The following WRNIP1 variants were observed in gnomAD, a reference collection of about 807,000 sequenced individuals.
WRNIP1 encodes the protein ATPase WRNIP1.
Under a neutral mutation model 56.1 loss-of-function variants are expected in WRNIP1, and 41 were observed. The observed-to-expected ratio is 0.73, with a 90% CI of 0.57 to 0.95. The LOEUF is 0.95. Among genes scored for constraint, WRNIP1 ranks in the 40% least tolerant of loss-of-function variants. WRNIP1 has a pLI of 0.00. For missense variants in WRNIP1, 1,170 were observed against 939.4 expected, an observed-to-expected ratio of 1.25 and a Z score of -3.21; for synonymous variants, 547 against 398.1, an observed-to-expected ratio of 1.37 and a Z score of -4.45.
intron 3 of WRNIP1, chr6:2,774,071 G>A: frequency 1.0e-6 from 1 of 985,380 alleles, no homozygotes; most frequent in Non-Finnish European, 1.2e-6. Flanking sequence ...TGAATAGAAA[G>A]AAAGGTAGTG....
rs893043072 is a variant in WRNIP1, at chr6:2,765,598, G to T, written c.-25G>T. 5.4e-6 allele frequency: 8 copies of T among 1,486,492 alleles called. No individual in the cohort carries two copies. The highest frequency in any genetic ancestry group is 4.6e-4 in the Middle Eastern group (2 of 4,302). 92.1% of individuals were successfully genotyped at this position (1,486,492 alleles called of 1,614,324 possible). A position where few individuals can be genotyped will look rare whatever the true frequency, so the allele number is the denominator to read the frequency against. On this transcript the variant is annotated 5_prime_UTR_variant, in exon 1 of 7. Coordinates refer to ENST00000380773, the MANE Select transcript of WRNIP1 (RefSeq NM_020135.3). ...CGCACGGGTTGCTGCGGCCGCGCCG[G>T]GCGCCGGGGAGGGCGGCGGCCGCCA...
chr6:2,768,097 G>C (rs988019289), intron 1 of WRNIP1, among the ~76,000 whole-genome samples: 3 of 152,148 alleles, frequency 2.0e-5, no homozygotes, highest in Non-Finnish European at 2.9e-5. Flanking sequence ...GGTCTCCTTG[G>C]TTTTCTAGTA....
intron 5 of WRNIP1, among the ~76,000 whole-genome samples, chr6:2,783,850 G>GT (rs1318659275): frequency 2.0e-5 from 3 of 152,060 alleles, no homozygotes; most frequent in Non-Finnish European, 4.4e-5. Flanking sequence ...GCTATTCAGA[G>GT]TATTGCAATA....
At chr6:2,776,718 A>G (rs1274839216) in intron 3 of WRNIP1, among the ~76,000 whole-genome samples, 1 of 152,228 alleles carries the variant, frequency 6.6e-6, no homozygotes, top group Non-Finnish European at 1.5e-5. Context: ...TATGAGGACT[A>G]ATGGAAATGA....
chr6:2,784,646 G>A (rs1456743906), intron 6 of WRNIP1, among the ~76,000 whole-genome samples: 1 of 152,130 alleles, frequency 6.6e-6, no homozygotes, highest in East Asian at 1.9e-4. Context: ...TGCTCCATAT[G>A]TTCCAGGGAG....
At chr6:2,779,549 A>T (rs1394460121) in intron 4 of WRNIP1, 57 bp downstream of exon 4, 1 of 1,540,744 alleles carries the variant, frequency 6.5e-7, no homozygotes, top group Non-Finnish European at 8.8e-7. Context: ...GTGTGCACAC[A>T]TTCTCATTTC....
chr6:2,765,456 G>T lies in WRNIP1; in HGVS notation c.-167G>T. Reference sequence around the variant, plus strand: ...CGGCCGAGGGCGGGCGGACGCGGGAGCTGCGGACGTGAGGCATGAGCGGCG... The same window carrying T: ...CGGCCGAGGGCGGGCGGACGCGGGATCTGCGGACGTGAGGCATGAGCGGCG... On this transcript the variant is annotated 5_prime_UTR_variant, in exon 1 of 7. Transcript: ENST00000380773. 1 of 812,202 alleles carries T rather than the reference G, an allele frequency of 1.2e-6. No homozygotes were observed. The highest frequency in any genetic ancestry group is 1.6e-6 in the Non-Finnish European group (1 of 615,150). The allele number at this position is 812,202 out of a possible 1,614,324, so 50.3% of individuals were successfully genotyped here.
chr6:2,770,114 G>A lies in WRNIP1; in HGVS notation c.1015-6G>A, dbSNP rs776961406. 1 of 1,614,172 alleles carries A rather than the reference G, an allele frequency of 6.2e-7. No homozygotes were observed. Among genetic ancestry groups the A allele is most frequent in the Non-Finnish European group, 8.5e-7 (1 of 1,179,986 alleles). The stretch of plus-strand genomic sequence containing the variant: ...TCACTTTTTTCTGTTTTCCTCCCAT[G>A]ATTAGGACACTTTCCTTCCTCACGT... On this transcript the variant is annotated splice_region_variant and splice_polypyrimidine_tract_variant and intron_variant, in intron 2 of 6. Transcript: ENST00000380773.
chr6:2,779,780 C>A (rs1765515046), intron 4 of WRNIP1, among the ~76,000 whole-genome samples: 1 of 152,214 alleles, frequency 6.6e-6, no homozygotes, highest in Admixed American at 6.5e-5. Flanking sequence ...TATTCCCCAC[C>A]TTGCAGAATA....
At chr6:2,784,607 G>A in intron 6 of WRNIP1, among the ~76,000 whole-genome samples, 1 of 152,184 alleles carries the variant, frequency 6.6e-6, no homozygotes, top group East Asian at 1.9e-4. Context: ...GTTTCAAACT[G>A]TTCTCGGGAT....
chr6:2,768,194 G>A (rs1765110998), intron 1 of WRNIP1, among the ~76,000 whole-genome samples: 1 of 152,198 alleles, frequency 6.6e-6, no homozygotes, highest in Non-Finnish European at 1.5e-5. Flanking sequence ...AATGCTAGGT[G>A]GATGTCATTG....
chr6:2,769,978 T>A, intron 2 of WRNIP1, 142 bp from the exon 3 acceptor site: 1 of 1,207,706 alleles, frequency 8.3e-7, no homozygotes. Flanking sequence ...GCATCTATAT[T>A]CAGTGAATAT....
In WRNIP1 at chr6:2,765,876, C is replaced by T. The variant is rs753946599; in HGVS notation, c.254C>T (p.Thr85Ile). ...AGCTCGGCGCTGAAGCAGCCAGCCACCCCGACGGCAGCCGAGAGCAGCGAG... is the reference window on the plus strand; with the variant it reads ...AGCTCGGCGCTGAAGCAGCCAGCCATCCCGACGGCAGCCGAGAGCAGCGAG... ...SESSALKQPA[T>I]PTAAESSEGE... The change falls in exon 1 of 7, where the codon ACC becomes ATC. Residue 85 changes from threonine to isoleucine, a missense_variant. Thr to Ile is a moderately conservative substitution (Grantham distance 89, BLOSUM62 -1). Transcript: ENST00000380773. 6 of 1,447,432 alleles carry T rather than the reference C, an allele frequency of 4.1e-6. No homozygotes were observed. The highest frequency in any genetic ancestry group is 2.4e-5 in the Admixed American group (1 of 41,374). 89.7% of individuals were successfully genotyped at this position (1,447,432 alleles called of 1,614,324 possible).
chr6:2,779,282 G>A lies in WRNIP1; in HGVS notation c.1276G>A (p.Asp426Asn). 1 of 1,614,174 alleles carries A rather than the reference G, an allele frequency of 6.2e-7. No individual in the cohort carries two copies. Among genetic ancestry groups the A allele is most frequent in the Non-Finnish European group, 8.5e-7 (1 of 1,180,034 alleles). ...SSSEPAMFIE[D>N]KAVDTLAYLS... ...TTTCAGGCCCGCCATGTTCATAGAG[G>A]ATAAAGCAGTAGACACCCTGGCTTA... The change falls in exon 4 of 7, where the codon GAT becomes AAT. Residue 426 changes from aspartate (D) to asparagine (N), a missense_variant. Physicochemically the swap from Asp to Asn is conservative, Grantham distance 23. Coordinates refer to ENST00000380773, the MANE Select transcript of WRNIP1 (RefSeq NM_020135.3).
intron 1 of WRNIP1, among the ~76,000 whole-genome samples, chr6:2,767,770 C>G (rs1765090321): frequency 6.6e-6 from 1 of 152,172 alleles, no homozygotes; most frequent in Non-Finnish European, 1.5e-5. Context: ...TCCCACCTAC[C>G]AAATGCCAGG....
At chr6:2,769,848 G>A (rs1765200342) in intron 2 of WRNIP1, among the ~76,000 whole-genome samples, 1 of 152,174 alleles carries the variant, frequency 6.6e-6, no homozygotes, top group African/African-American at 2.4e-5. Context: ...CATTTATGTT[G>A]AAACTAAGCT....
At position 2,768,855 on chromosome 6, in the gene WRNIP1, G is replaced by T; in HGVS notation, c.987G>T (p.Glu329Asp). The T allele has an allele frequency of 6.2e-7, 1 of 1,612,064 alleles. No individual in the cohort carries two copies. The highest frequency in any genetic ancestry group is 1.1e-5 in the South Asian group (1 of 90,744). The stretch of plus-strand genomic sequence containing the variant: ...GGAAAACCATCCTTTTTATTGATGA[G>T]ATTCATCGGTTCAATAAATCTCAGC... ...FKRKTILFIDEIHRFNKSQQD... is the reference protein window; with the variant it reads ...FKRKTILFIDDIHRFNKSQQD... The change falls in exon 2 of 7, where the codon GAG (glutamate) becomes GAT (aspartate). Residue 329 changes from glutamate (E) to aspartate (D), a missense_variant. Physicochemically the swap from Glu to Asp is conservative, Grantham distance 45 (BLOSUM62 2). Transcript: ENST00000380773.
chr6:2,779,597 G>C (rs996375255), intron 4 of WRNIP1, 105 bp downstream of exon 4: 1 of 1,207,810 alleles, frequency 8.3e-7, no homozygotes, highest in African/African-American at 1.5e-5. Flanking sequence ...TTCCAGCTGG[G>C]TCCAGAGCAT....
intron 4 of WRNIP1, among the ~76,000 whole-genome samples, chr6:2,782,742 A>G (rs1257018240): frequency 6.6e-6 from 1 of 152,080 alleles, no homozygotes; most frequent in Non-Finnish European, 1.5e-5. Context: ...CATTTCACTG[A>G]TTTCATGTGA....
Sources: allele counts gnomAD v4.1 joint callset (sites outside exome capture counted in the v4.1 genomes callset), GRCh38; gene constraint gnomAD v4.1.1; transcripts MANE v1.5; gene names NCBI Gene and HGNC (gene_info 2026-07-23, HGNC 2026-07-21).